CMTM8: variants seen among roughly 807,000 people sequenced by gnomAD.
The protein encoded by CMTM8 is CKLF like MARVEL transmembrane domain containing 8.
Under a neutral mutation model 18.6 loss-of-function variants are expected in CMTM8, and 12 were observed. That is an observed-to-expected ratio of 0.65 (90% confidence interval 0.41 to 1.05). CMTM8 has a LOEUF of 1.05. CMTM8 is among the 50% of genes least tolerant of loss of function. The probability of loss-of-function intolerance (pLI) is 0.00; values close to 1 mark genes in which losing one functional copy is unlikely to be tolerated. For missense variants in CMTM8, 217 were observed against 227.2 expected (o/e 0.95, Z 0.29); for synonymous variants, 87 against 90.6 (o/e 0.96, Z 0.23).
intron 1 of CMTM8, among the ~76,000 whole-genome samples, chr3:32,274,312 A>C (rs1272384333): frequency 3.9e-5 from 6 of 152,008 alleles, no homozygotes; most frequent in Admixed American, 6.6e-5. Flanking sequence ...AAAAAAAAAA[A>C]AATTTCATGT....
At chr3:32,329,051 C>T (rs917804123) in intron 1 of CMTM8, among the ~76,000 whole-genome samples, 2 of 152,144 alleles carry the variant, frequency 1.3e-5, no homozygotes, top group Admixed American at 6.5e-5. Flanking sequence ...ATACTACAAA[C>T]CAATATCAAT....
At position 32,315,393 on chromosome 3, in the gene CMTM8, G is replaced by A. The variant is rs192994021; in HGVS notation, c.148-41980G>A. ...GATCCACCCACCTCGGCCTCCCAAA[G>A]TGCTGGGATTACAGGTGTGAGCTAC... On this transcript the variant is annotated intron_variant, in intron 1 of 3. Coordinates refer to ENST00000307526, the MANE Select transcript of CMTM8 (RefSeq NM_178868.5). 2.8e-3 allele frequency among the ~76,000 whole-genome samples: 422 copies of A among 152,306 alleles called. 1 individual carries two copies. Among genetic ancestry groups the A allele is most frequent in the African/African-American group, 9.8e-3 (408 of 41,562 alleles).
chr3:32,288,753 G>A (rs1033333253), intron 1 of CMTM8, among the ~76,000 whole-genome samples: 1 of 152,186 alleles, frequency 6.6e-6, no homozygotes, highest in African/African-American at 2.4e-5. Context: ...GCCCGCCTTG[G>A]CCTCCCAAAG....
chr3:32,304,160 C>T (rs1695679592), intron 1 of CMTM8, among the ~76,000 whole-genome samples: 1 of 152,192 alleles, frequency 6.6e-6, no homozygotes, highest in Non-Finnish European at 1.5e-5. Context: ...GTTGTGATCG[C>T]ATGATAATTG....
rs143136038 is a variant in CMTM8 at position 32,307,765 on chromosome 3, C to A, written c.148-49608C>A. ...AATCGGAGCTCCCCAGGCCCCACCCCCAGAGTTCCTGAGTCAGTAGATCTG... is the reference window on the plus strand; with the variant it reads ...AATCGGAGCTCCCCAGGCCCCACCCACAGAGTTCCTGAGTCAGTAGATCTG... On this transcript the variant is annotated intron_variant, in intron 1 of 3. Coordinates refer to ENST00000307526, the MANE Select transcript of CMTM8 (RefSeq NM_178868.5). Among the ~76,000 whole-genome samples, 6 of 152,268 alleles carry A rather than the reference C, an allele frequency of 3.9e-5. No individual in the cohort carries two copies. In the East Asian group the frequency reaches 1.2e-3, roughly 29 times the overall value.
chr3:32,312,134 A>G (rs775178331), intron 1 of CMTM8, among the ~76,000 whole-genome samples: 13 of 152,198 alleles, frequency 8.5e-5, no homozygotes, highest in South Asian at 4.1e-4. Context: ...ACGTTAATTT[A>G]TAGCTATTTG....
intron 1 of CMTM8, among the ~76,000 whole-genome samples, chr3:32,316,128 G>A (rs1272285523): frequency 7.4e-6 from 1 of 135,512 alleles, no homozygotes; most frequent in Admixed American, 8.8e-5. Context: ...CCGGGATCAC[G>A]CCAATTCTCC....
chr3:32,321,843 C>A (rs1401582588), intron 1 of CMTM8, among the ~76,000 whole-genome samples: 2 of 152,222 alleles, frequency 1.3e-5, no homozygotes, highest in Admixed American at 1.3e-4. Flanking sequence ...AAGTAATCCA[C>A]CCGCCTTGGC....
At chr3:32,243,464 G>A (rs1205769859) in intron 1 of CMTM8, among the ~76,000 whole-genome samples, 1 of 150,038 alleles carries the variant, frequency 6.7e-6, no homozygotes, top group Non-Finnish European at 1.5e-5. Context: ...CCAGGAGGTC[G>A]AGGTTGCAGT....
At chr3:32,247,162 G>A (rs985763890) in intron 1 of CMTM8, among the ~76,000 whole-genome samples, 8 of 152,130 alleles carry the variant, frequency 5.3e-5, no homozygotes, top group Non-Finnish European at 1.0e-4. Context: ...ACATTGTTTA[G>A]TGTAGAGTTC....
chr3:32,323,111 C>T (rs1696090398), intron 1 of CMTM8, among the ~76,000 whole-genome samples: 1 of 152,174 alleles, frequency 6.6e-6, no homozygotes, highest in South Asian at 2.1e-4. Flanking sequence ...TATTCAGATG[C>T]TTTGGTGGCA....
At chr3:32,308,704 G>T (rs1695762547) in intron 1 of CMTM8, among the ~76,000 whole-genome samples, 1 of 152,166 alleles carries the variant, frequency 6.6e-6, no homozygotes, top group African/African-American at 2.4e-5. Flanking sequence ...TATGTATGAG[G>T]TACTCAAAAT....
chr3:32,295,041 C>A lies in CMTM8; in HGVS notation c.147+55922C>A, dbSNP rs1032179370. 3.3e-5 allele frequency among the ~76,000 whole-genome samples: 5 copies of A among 152,086 alleles called. No homozygotes were observed. In the South Asian group the frequency reaches 8.3e-4, roughly 25 times the overall value. ...CTGCAATCCAGCCTGGGTGACAGAG[C>A]AAGACTCTGTCTCAAAAAATAAAAC... On this transcript the variant is annotated intron_variant, in intron 1 of 3. Transcript: ENST00000307526.
At chr3:32,367,024 G>T (rs1385522602) in intron 2 of CMTM8, among the ~76,000 whole-genome samples, 5 of 152,144 alleles carry the variant, frequency 3.3e-5, no homozygotes, top group African/African-American at 1.2e-4. Flanking sequence ...GAAAGAGATT[G>T]CTTCCTCCCT....
chr3:32,318,285 C>G (rs142452837), intron 1 of CMTM8, among the ~76,000 whole-genome samples: 1 of 152,078 alleles, frequency 6.6e-6, no homozygotes, highest in Non-Finnish European at 1.5e-5. Context: ...AGAGATTTCT[C>G]CCTGTTTAAC....
intron 1 of CMTM8, among the ~76,000 whole-genome samples, chr3:32,268,040 T>A (rs1016236627): frequency 2.6e-5 from 4 of 152,212 alleles, no homozygotes; most frequent in African/African-American, 9.7e-5. Context: ...ATGTGGCGAT[T>A]CCTCAAGGAT....
chr3:32,300,096 C>G lies in CMTM8; in HGVS notation c.148-57277C>G, dbSNP rs150647375. Among the ~76,000 whole-genome samples the G allele has an allele frequency of 1.1e-3, 165 of 152,300 alleles. 1 individual carries two copies. Among genetic ancestry groups the G allele is most frequent in the African/African-American group, 3.9e-3 (163 of 41,562 alleles). ...TTGCGTGACACAGCAGTCTTCAGATCGAAGACCCAAAGATACAGGGGAAGC... is the reference window on the plus strand; with the variant it reads ...TTGCGTGACACAGCAGTCTTCAGATGGAAGACCCAAAGATACAGGGGAAGC... On this transcript the variant is annotated intron_variant, in intron 1 of 3. Coordinates refer to ENST00000307526, the MANE Select transcript of CMTM8 (RefSeq NM_178868.5).
chr3:32,322,273 TG>T (rs1423651226), intron 1 of CMTM8, among the ~76,000 whole-genome samples: 4 of 152,206 alleles, frequency 2.6e-5, no homozygotes, highest in Non-Finnish European at 4.4e-5. Flanking sequence ...GGCTTGTTTT[TG>T]TTTTTTTTTC....
chr3:32,273,985 T>C (rs527445032), intron 1 of CMTM8, among the ~76,000 whole-genome samples: 8 of 152,228 alleles, frequency 5.3e-5, no homozygotes, highest in African/African-American at 1.9e-4. Context: ...TCTTGGGATA[T>C]TTTCTTTTCA....
Sources: allele counts gnomAD v4.1 joint callset (sites outside exome capture counted in the v4.1 genomes callset), GRCh38; gene constraint gnomAD v4.1.1; transcripts MANE v1.5; gene names NCBI Gene and HGNC (gene_info 2026-07-23, HGNC 2026-07-21).